HBS1L: variants seen among roughly 807,000 people sequenced by gnomAD.
HBS1L encodes the protein HBS1-like protein.
Under a neutral mutation model 88.9 loss-of-function variants are expected in HBS1L, and 55 were observed. The ratio of observed to expected loss-of-function variants is 0.62; its 90% CI spans 0.50 to 0.77. The LOEUF (loss-of-function observed/expected upper bound fraction) is 0.77. HBS1L is among the 30% of genes least tolerant of loss of function. The pLI is 0.00. For synonymous variants in HBS1L, 267 were observed against 288.5 expected (o/e 0.93, Z 0.76); for missense variants, 741 against 829.3 (o/e 0.89, Z 1.31).
chr6:135,045,325 AAC>A (rs898179672), intron 2 of HBS1L, among the ~76,000 whole-genome samples: 7 of 152,358 alleles, frequency 4.6e-5, no homozygotes, highest in East Asian at 1.9e-4. Context: ...CTTCTGAAAA[AAC>A]AGACACCTAT....
chr6:134,999,188 T>C (rs1335753703), intron 5 of HBS1L, among the ~76,000 whole-genome samples: 2 of 152,024 alleles, frequency 1.3e-5, no homozygotes, highest in African/African-American at 4.8e-5. Context: ...CTGCAAAACA[T>C]TTTCTTCAGA....
At chr6:135,030,499 T>C (rs1776354455) in intron 4 of HBS1L, among the ~76,000 whole-genome samples, 1 of 151,942 alleles carries the variant, frequency 6.6e-6, no homozygotes, top group Non-Finnish European at 1.5e-5. Flanking sequence ...CAGAAATGAG[T>C]TCATAAAAGG....
intron 4 of HBS1L, among the ~76,000 whole-genome samples, chr6:135,033,294 G>C (rs1776440900): frequency 6.6e-6 from 1 of 152,174 alleles, no homozygotes; most frequent in Non-Finnish European, 1.5e-5. Flanking sequence ...GAGCTACTAA[G>C]ACAGCAATCA....
intron 13 of HBS1L, among the ~76,000 whole-genome samples, chr6:134,979,874 A>G (rs1470660091): frequency 1.3e-5 from 2 of 152,036 alleles, no homozygotes; most frequent in African/African-American, 2.4e-5. Flanking sequence ...ATGAAAAGAA[A>G]AATATTAAGG....
intron 2 of HBS1L, among the ~76,000 whole-genome samples, chr6:135,047,921 T>C (rs892650343): frequency 7.9e-5 from 12 of 152,230 alleles, no homozygotes; most frequent in African/African-American, 2.9e-4. Flanking sequence ...AGGAGGTTCC[T>C]AGAAAAATGT....
At chr6:135,036,056 C>G in intron 4 of HBS1L, 2 of 663,754 alleles carry the variant, frequency 3.0e-6, no homozygotes, top group Non-Finnish European at 3.7e-6. Context: ...TTAAGATTTT[C>G]TAATAGAAAA....
At chr6:134,996,170 T>G (rs1775283240) in intron 7 of HBS1L, among the ~76,000 whole-genome samples, 1 of 152,152 alleles carries the variant, frequency 6.6e-6, no homozygotes, top group Non-Finnish European at 1.5e-5. Context: ...CCTAACATGA[T>G]CTATACTGAC....
At chr6:135,054,237 CTG>C (rs1217103712) in intron 1 of HBS1L, among the ~76,000 whole-genome samples, 3 of 152,246 alleles carry the variant, frequency 2.0e-5, no homozygotes, top group African/African-American at 7.2e-5. Context: ...TTAAGTCAAT[CTG>C]TGTTTTACAA....
At chr6:135,020,026 ATATG>A (rs1459269038) in intron 4 of HBS1L, among the ~76,000 whole-genome samples, 1 of 151,802 alleles carries the variant, frequency 6.6e-6, no homozygotes, top group Admixed American at 6.6e-5. Flanking sequence ...AAAAATCCCT[ATATG>A]TATGTGTCTA....
intron 13 of HBS1L, among the ~76,000 whole-genome samples, chr6:134,980,349 G>T (rs1030398702): frequency 2.6e-5 from 4 of 151,974 alleles, no homozygotes; most frequent in African/African-American, 9.6e-5. Flanking sequence ...GAGAAAAGAA[G>T]GCATAACTTT....
chr6:134,982,704 T>A (rs1004734992), intron 12 of HBS1L, 142 bp from the exon 13 acceptor site: 121 of 474,256 alleles, frequency 2.6e-4, no homozygotes, highest in African/African-American at 2.1e-3. Flanking sequence ...AGAATTAACA[T>A]CTCTACTAAA....
intron 2 of HBS1L, among the ~76,000 whole-genome samples, chr6:135,043,663 G>A (rs1776821858): frequency 6.6e-6 from 1 of 152,288 alleles, no homozygotes; most frequent in East Asian, 1.9e-4. Flanking sequence ...CGGAAGCACA[G>A]AAGTAACCAA....
chr6:135,039,877 C>A (rs2114903819), intron 3 of HBS1L, 110 bp from the exon 4 acceptor site: 2 of 898,956 alleles, frequency 2.2e-6, no homozygotes, highest in East Asian at 5.4e-5. Flanking sequence ...ATTCAACTCT[C>A]CCTTCTCTTT....
intron 8 of HBS1L, among the ~76,000 whole-genome samples, chr6:134,991,912 T>C (rs1011478666): frequency 1.3e-5 from 2 of 151,892 alleles, no homozygotes; most frequent in Non-Finnish European, 2.9e-5. Context: ...TACAAAAAAC[T>C]AAAAAATTAG....
intron 16 of HBS1L, among the ~76,000 whole-genome samples, chr6:134,968,752 CA>C (rs34140771): frequency 0.27 from 24,015 of 89,218 alleles, 1,929 homozygotes; most frequent in South Asian, 0.38. Context: ...GGACTTTGAG[CA>C]AAAAAAAAAA....
intron 4 of HBS1L, among the ~76,000 whole-genome samples, chr6:135,024,461 A>C (rs866625644): frequency 4.7e-5 from 7 of 148,054 alleles, no homozygotes; most frequent in East Asian, 1.9e-4. Flanking sequence ...AAAAAAAAAA[A>C]ACACAAAACA....
intron 4 of HBS1L, among the ~76,000 whole-genome samples, chr6:135,024,466 A>G (rs1776168141): frequency 1.3e-5 from 2 of 149,078 alleles, no homozygotes; most frequent in South Asian, 2.1e-4. Flanking sequence ...AAAAAAACAC[A>G]AAACAAGAAT....
At chr6:135,010,732 A>G (rs1029688313) in intron 4 of HBS1L, among the ~76,000 whole-genome samples, 10 of 152,032 alleles carry the variant, frequency 6.6e-5, no homozygotes, top group South Asian at 2.1e-4. Flanking sequence ...TTTGGGGGGG[A>G]AAATGCCAAG....
In HBS1L at chr6:135,039,620, A is replaced by G. The variant is rs1415908902; in HGVS notation, c.383T>C (p.Leu128Ser). 1.2e-6 allele frequency: 2 copies of G among 1,614,156 alleles called. No individual in the cohort carries two copies. Among genetic ancestry groups the G allele is most frequent in the South Asian group, 1.1e-5 (1 of 91,074 alleles). ...GVLEQDRVQS[L>S]KDKNEATVST... ...TACTGTTGCCTCATTCTTGTCCTTCAAACTCTGCACTCTATCTTGTTCCAG... is the reference window on the plus strand; with the variant it reads ...TACTGTTGCCTCATTCTTGTCCTTCGAACTCTGCACTCTATCTTGTTCCAG... The change falls in exon 4 of 18, where the codon TTG (leucine) becomes TCG (serine). Residue 128 changes from leucine (L) to serine (S), a missense_variant. This residue lies in a region of HBS1L where 556 missense variants were observed against 598.4 expected (regional missense o/e 0.93). Coordinates refer to ENST00000367837, the MANE Select transcript of HBS1L (RefSeq NM_006620.4).
Sources: gnomAD v4.1 joint callset for allele counts (sites outside exome capture counted in the v4.1 genomes callset) on GRCh38, gnomAD v4.1.1 for gene constraint, gnomAD v4.1.1 regional missense constraint, MANE v1.5 for transcripts, NCBI Gene and HGNC (gene_info 2026-07-23, HGNC 2026-07-21) for gene names.